Variants in PXDNL observed in about 807,000 individuals in gnomAD.
The protein encoded by PXDNL is probable oxidoreductase PXDNL.
A neutral mutation model predicts 150.8 loss-of-function variants in PXDNL; 145 were observed. That is an observed-to-expected ratio of 0.96 (90% CI 0.84 to 1.10). The LOEUF (loss-of-function observed/expected upper bound fraction) is 1.10. PXDNL is among the 50% of genes least tolerant of loss of function. The pLI is 0.00. For synonymous variants in PXDNL, 757 were observed against 725.7 expected (o/e 1.04, Z -0.69); for missense variants, 2,087 against 1,873.9 (o/e 1.11, Z -2.10).
At position 51,372,089 on chromosome 8, in the gene PXDNL, T is replaced by TA; in HGVS notation, c.3693-9_3693-8insT. 1 of 1,490,794 alleles carries TA rather than the reference T, an allele frequency of 6.7e-7. No individual in the cohort carries two copies. Among genetic ancestry groups the TA allele is most frequent in the South Asian group, 1.2e-5 (1 of 80,690 alleles). 92.3% of individuals were successfully genotyped at this position (1,490,794 alleles called of 1,614,324 possible). On this transcript the variant is annotated splice_polypyrimidine_tract_variant and intron_variant, in intron 18 of 22. Coordinates refer to ENST00000356297, the MANE Select transcript of PXDNL (RefSeq NM_144651.5). ...GGGTTTTCATACCAGAACCTGGTAG[T>TA]CAACCAAAAAAAAAACATTGTCGTG...
chr8:51,325,910 G>C (rs966317024), intron 21 of PXDNL, among the ~76,000 whole-genome samples: 1 of 152,192 alleles, frequency 6.6e-6, no homozygotes, highest in African/African-American at 2.4e-5. Context: ...GGCTGGGGTA[G>C]AGTGGTTATT....
chr8:51,562,255 A>G (rs935500783), intron 3 of PXDNL, among the ~76,000 whole-genome samples: 2 of 151,854 alleles, frequency 1.3e-5, no homozygotes, highest in Non-Finnish European at 2.9e-5. Flanking sequence ...TTTTTTATAA[A>G]AATGATATTT....
At chr8:51,475,691 A>G (rs1810457353) in intron 6 of PXDNL, among the ~76,000 whole-genome samples, 1 of 152,188 alleles carries the variant, frequency 6.6e-6, no homozygotes, top group African/African-American at 2.4e-5. Flanking sequence ...GGTATATTGC[A>G]TAATGCTGAG....
chr8:51,809,154 G>C, intron 1 of PXDNL, 27 bp downstream of exon 1: 2 of 1,612,612 alleles, frequency 1.2e-6, no homozygotes, highest in Non-Finnish European at 1.7e-6. Context: ...GGGGAAGAGG[G>C]TTTCTGGGGA....
chr8:51,639,303 C>T (rs891650559), intron 2 of PXDNL, among the ~76,000 whole-genome samples: 6 of 151,976 alleles, frequency 3.9e-5, no homozygotes, highest in South Asian at 2.1e-4. Context: ...TAGAAAAGCA[C>T]GAGCAAACAC....
chr8:51,397,903 C>G lies in PXDNL; in HGVS notation c.3557+10164G>C, dbSNP rs944812917. ...TATATCTCCTAATGCTATCCCTCCC[C>G]CCTCCACCCACCCCACAACAGGCCC... On this transcript the variant is annotated intron_variant, in intron 17 of 22. Transcript: ENST00000356297. Among the ~76,000 whole-genome samples the G allele has an allele frequency of 2.6e-5, 4 of 152,186 alleles. No homozygotes were observed. The East Asian group carries it at 7.7e-4, about 29-fold the overall frequency.
chr8:51,445,330 C>T (rs554094110), intron 12 of PXDNL, among the ~76,000 whole-genome samples: 18 of 152,198 alleles, frequency 1.2e-4, no homozygotes, highest in Non-Finnish European at 1.3e-4. Flanking sequence ...TCCCAACTAA[C>T]TCCTTCCATA....
intron 2 of PXDNL, among the ~76,000 whole-genome samples, chr8:51,644,337 T>TACACACAC (rs371179403): frequency 6.0e-5 from 3 of 50,196 alleles, no homozygotes; most frequent in East Asian, 6.4e-4. Context: ...TATATATATA[T>TACACACAC]ACACACACAC....
At chr8:51,560,284 G>A (rs1812692654) in intron 3 of PXDNL, among the ~76,000 whole-genome samples, 1 of 151,586 alleles carries the variant, frequency 6.6e-6, no homozygotes, top group Non-Finnish European at 1.5e-5. Flanking sequence ...GCATTTCAAT[G>A]GCATTTTTTT....
chr8:51,664,212 G>T lies in PXDNL; in HGVS notation c.165-9452C>A, dbSNP rs147612381. Among the ~76,000 whole-genome samples the T allele has an allele frequency of 2.6e-5, 4 of 152,256 alleles. No individual in the cohort carries two copies. In the South Asian group the frequency reaches 6.2e-4, roughly 24 times the overall value. ...TCCAACTGCAAAGTCTAACTCGGAG[G>T]TCATCATATACCATGTTATATAAAG... is the stretch of plus-strand genomic sequence containing the variant. On this transcript the variant is annotated intron_variant, in intron 1 of 22. Transcript: ENST00000356297.
chr8:51,587,083 T>C (rs557440511), intron 3 of PXDNL, among the ~76,000 whole-genome samples: 42 of 152,202 alleles, frequency 2.8e-4, no homozygotes, highest in Non-Finnish European at 1.5e-5. Flanking sequence ...ATTACAGTGA[T>C]TTGATATCAT....
At chr8:51,393,350 T>C (rs1040171393) in intron 17 of PXDNL, among the ~76,000 whole-genome samples, 1 of 152,130 alleles carries the variant, frequency 6.6e-6, no homozygotes, top group Non-Finnish European at 1.5e-5. Context: ...ACAATGATCG[T>C]CATATTCGGG....
At chr8:51,389,689 G>A (rs1205897177) in intron 17 of PXDNL, among the ~76,000 whole-genome samples, 1 of 152,104 alleles carries the variant, frequency 6.6e-6, no homozygotes, top group East Asian at 1.9e-4. Context: ...TATAAGAATT[G>A]CCCATTTGTT....
intron 1 of PXDNL, among the ~76,000 whole-genome samples, chr8:51,717,880 C>A (rs1329235739): frequency 6.6e-6 from 1 of 152,214 alleles, no homozygotes; most frequent in Non-Finnish European, 1.5e-5. Context: ...CCAGAGTCAG[C>A]TGCCACTCCC....
intron 2 of PXDNL, among the ~76,000 whole-genome samples, chr8:51,609,721 G>A (rs1585619111): frequency 6.6e-6 from 1 of 152,196 alleles, no homozygotes; most frequent in Non-Finnish European, 1.5e-5. Context: ...AAATAGCAGC[G>A]AGAGTTGTGA....
At chr8:51,548,307 G>A (rs1812406100) in intron 4 of PXDNL, among the ~76,000 whole-genome samples, 1 of 152,072 alleles carries the variant, frequency 6.6e-6, no homozygotes, top group South Asian at 2.1e-4. Context: ...ACTTTCTAGA[G>A]GTCTAGACAT....
intron 2 of PXDNL, among the ~76,000 whole-genome samples, chr8:51,651,559 C>G (rs893685194): frequency 2.0e-5 from 3 of 152,112 alleles, no homozygotes; most frequent in African/African-American, 7.2e-5. Context: ...TTCAATTAGG[C>G]CTTCCTTCCA....
intron 1 of PXDNL, among the ~76,000 whole-genome samples, chr8:51,689,557 G>A (rs1815945754): frequency 6.6e-6 from 1 of 151,912 alleles, no homozygotes; most frequent in Non-Finnish European, 1.5e-5. Flanking sequence ...GATATATTAA[G>A]AGGCTATTAT....
At chr8:51,512,795 A>G (rs757699645) in intron 4 of PXDNL, among the ~76,000 whole-genome samples, 3 of 152,104 alleles carry the variant, frequency 2.0e-5, no homozygotes, top group Non-Finnish European at 2.9e-5. Flanking sequence ...CTTGATCTCA[A>G]TTCCCTCCTC....
Sources: gnomAD v4.1 joint callset for allele counts (sites outside exome capture counted in the v4.1 genomes callset) on GRCh38, gnomAD v4.1.1 for gene constraint, MANE v1.5 for transcripts, NCBI Gene and HGNC (gene_info 2026-07-23, HGNC 2026-07-21) for gene names.